DLC1: variants seen among roughly 807,000 people sequenced by gnomAD.
DLC1 encodes the protein DLC1 Rho GTPase activating protein.
Under a neutral mutation model 140.3 loss-of-function variants are expected in DLC1, and 54 were observed. The ratio of observed to expected loss-of-function variants is 0.38; its 90% CI spans 0.31 to 0.48. The LOEUF (loss-of-function observed/expected upper bound fraction) is 0.48. Ranked by LOEUF, DLC1 falls within the 20% of genes least tolerant of loss-of-function variation. The pLI is 0.96. For missense variants in DLC1, 2,536 were observed against 1,907.0 expected, an observed-to-expected ratio of 1.33 and a Z score of -6.14; for synonymous variants, 986 against 728.1, an observed-to-expected ratio of 1.35 and a Z score of -5.70.
At chr8:13,397,357 T>A (rs1444061887) in intron 3 of DLC1, among the ~76,000 whole-genome samples, 1 of 151,994 alleles carries the variant, frequency 6.6e-6, no homozygotes, top group Non-Finnish European at 1.5e-5. Flanking sequence ...GGAAAGCAAC[T>A]GTTGAAGAAT....
intron 1 of DLC1, among the ~76,000 whole-genome samples, chr8:13,581,286 A>G (rs950970012): frequency 5.9e-5 from 9 of 152,198 alleles, no homozygotes; most frequent in Admixed American, 6.5e-5. Flanking sequence ...ACATATACAA[A>G]TGACATCATT....
intron 1 of DLC1, among the ~76,000 whole-genome samples, chr8:13,586,423 C>T (rs1805313081): frequency 6.6e-6 from 1 of 152,016 alleles, no homozygotes; most frequent in South Asian, 2.1e-4. Context: ...CATACGTTCT[C>T]ATTATGTACA....
At chr8:13,248,353 T>C (rs959968092) in intron 5 of DLC1, among the ~76,000 whole-genome samples, 1 of 152,230 alleles carries the variant, frequency 6.6e-6, no homozygotes, top group African/African-American at 2.4e-5. Flanking sequence ...TTTGCTTCCA[T>C]ATTCTATTAG....
intron 5 of DLC1, among the ~76,000 whole-genome samples, chr8:13,145,570 C>A (rs1051215132): frequency 6.6e-6 from 1 of 152,174 alleles, no homozygotes; most frequent in East Asian, 1.9e-4. Flanking sequence ...CTCCAAACAA[C>A]TAAAAATATC....
chr8:13,317,516 G>A (rs1176235659), intron 4 of DLC1, among the ~76,000 whole-genome samples: 2 of 152,146 alleles, frequency 1.3e-5, no homozygotes, highest in Admixed American at 6.5e-5. Context: ...GATGAAGAGA[G>A]AAGGAAATAA....
At chr8:13,310,810 A>G (rs1832639610) in intron 4 of DLC1, among the ~76,000 whole-genome samples, 1 of 152,202 alleles carries the variant, frequency 6.6e-6, no homozygotes, top group Non-Finnish European at 1.5e-5. Flanking sequence ...TTTGACAGTC[A>G]TCATTCTTTC....
chr8:13,364,049 G>A (rs923281012), intron 4 of DLC1, among the ~76,000 whole-genome samples: 2 of 152,154 alleles, frequency 1.3e-5, no homozygotes, highest in Non-Finnish European at 2.9e-5. Flanking sequence ...GTGTGTGTGT[G>A]CGCACGTGCA....
At chr8:13,236,485 A>G (rs1829288813) in intron 5 of DLC1, among the ~76,000 whole-genome samples, 1 of 152,160 alleles carries the variant, frequency 6.6e-6, no homozygotes, top group African/African-American at 2.4e-5. Context: ...AACCTTGTCC[A>G]TATAGTCGTT....
intron 5 of DLC1, among the ~76,000 whole-genome samples, chr8:13,296,348 T>C (rs1182132037): frequency 6.6e-6 from 1 of 152,144 alleles, no homozygotes; most frequent in Non-Finnish European, 1.5e-5. Context: ...TCTGAGAAGA[T>C]TGAAAATAAC....
intron 5 of DLC1, among the ~76,000 whole-genome samples, chr8:13,181,286 A>T (rs1403181329): frequency 7.0e-6 from 1 of 143,268 alleles, no homozygotes; most frequent in African/African-American, 2.6e-5. Context: ...TCTTTACTCA[A>T]TTGTCACTGT....
At chr8:13,162,954 C>T (rs931197629) in intron 5 of DLC1, among the ~76,000 whole-genome samples, 1 of 152,174 alleles carries the variant, frequency 6.6e-6, no homozygotes, top group Non-Finnish European at 1.5e-5. Flanking sequence ...CTTGAGGATT[C>T]TTACATACTT....
intron 3 of DLC1, among the ~76,000 whole-genome samples, chr8:13,393,920 T>A (rs57090435): frequency 0.015 from 2,291 of 152,336 alleles, 56 homozygotes; most frequent in African/African-American, 0.052. Flanking sequence ...GGTAACATAC[T>A]ATTTGGTAAT....
chr8:13,358,546 G>C (rs1257594800), intron 4 of DLC1, among the ~76,000 whole-genome samples: 4 of 151,758 alleles, frequency 2.6e-5, no homozygotes, highest in African/African-American at 9.7e-5. Context: ...GGAAGGAAAT[G>C]TAAGAAAAGT....
At chr8:13,334,707 T>C (rs955736830) in intron 4 of DLC1, among the ~76,000 whole-genome samples, 1 of 152,194 alleles carries the variant, frequency 6.6e-6, no homozygotes, top group Non-Finnish European at 1.5e-5. Flanking sequence ...TTCTGGGTGT[T>C]TGATCTTGGC....
intron 5 of DLC1, among the ~76,000 whole-genome samples, chr8:13,261,618 C>G (rs569034330): frequency 3.3e-5 from 5 of 152,228 alleles, no homozygotes; most frequent in South Asian, 4.1e-4. Flanking sequence ...GCAACCGTGT[C>G]TTGGCCCAGG....
At chr8:13,341,664 G>A (rs1016068299) in intron 4 of DLC1, 2 of 152,182 alleles carry the variant, frequency 1.3e-5, no homozygotes, top group Non-Finnish European at 2.9e-5. Flanking sequence ...TGAAAGCAAA[G>A]TGGCCAGGTT....
At chr8:13,535,322 G>T (rs2117316319) in intron 1 of DLC1, among the ~76,000 whole-genome samples, 1 of 152,194 alleles carries the variant, frequency 6.6e-6, no homozygotes, top group Admixed American at 6.5e-5. Context: ...GAATGTAAGT[G>T]TGGGGACAGG....
intron 4 of DLC1, among the ~76,000 whole-genome samples, chr8:13,324,817 T>C (rs1001755659): frequency 6.6e-6 from 1 of 152,128 alleles, no homozygotes; most frequent in African/African-American, 2.4e-5. Flanking sequence ...CAAAATGCAA[T>C]TGTATTTTCC....
At chr8:13,491,498 A>G (rs1294247415) in intron 2 of DLC1, among the ~76,000 whole-genome samples, 3 of 152,184 alleles carry the variant, frequency 2.0e-5, no homozygotes, top group African/African-American at 7.2e-5. Flanking sequence ...ATTAAATGAT[A>G]AAATATACGT....
Sources: allele counts gnomAD v4.1 joint callset (sites outside exome capture counted in the v4.1 genomes callset), GRCh38; gene constraint gnomAD v4.1.1; transcripts MANE v1.5; gene names NCBI Gene and HGNC (gene_info 2026-07-23, HGNC 2026-07-21).